The following HHIPL1 variants were observed in gnomAD, a reference collection of about 807,000 sequenced individuals.
HHIPL1 encodes HHIP-like protein 1.
In HHIPL1, 43 loss-of-function variants were observed where a neutral mutation model predicts 61.8. The observed-to-expected ratio is 0.70, with a 90% CI of 0.55 to 0.90. The LOEUF (loss-of-function observed/expected upper bound fraction) is 0.90, where lower values mean the gene tolerates loss of function less well. Among genes scored for constraint, HHIPL1 ranks in the 40% least tolerant of loss-of-function variants. The pLI is 0.00. For synonymous variants in HHIPL1, 482 were observed against 515.8 expected (o/e 0.93, Z 0.89); for missense variants, 1,056 against 1,157.7 (o/e 0.91, Z 1.28).
rs138192019 is a variant in HHIPL1 at position 99,668,878 on chromosome 14, G to A, written c.1730+575G>A. ...GCCCGGCTATGTCCCAGCTCCTTCC[G>A]TGTGCAGCTCATTGACGTCTCAGCC... On this transcript the variant is annotated intron_variant, in intron 7 of 8. Coordinates refer to ENST00000330710, the MANE Select transcript of HHIPL1 (RefSeq NM_001127258.3). This position sits in a 1 kb window ranked among gnomAD's most constrained non-coding sequence, Gnocchi z 4.7. 474 of 1,613,710 alleles carry A rather than the reference G, an allele frequency of 2.9e-4. No homozygotes were observed. Among genetic ancestry groups the A allele is most frequent in the Middle Eastern group, 4.9e-4 (3 of 6,062 alleles).
the HHIPL1 span, among the ~76,000 whole-genome samples, chr14:99,634,548 C>T: frequency 6.6e-6 from 1 of 152,192 alleles, no homozygotes; most frequent in Non-Finnish European, 1.5e-5. Flanking sequence ...CCCTAAGCAG[C>T]CCCAGCTCCT....
chr14:99,670,860 C>T lies in HHIPL1; in HGVS notation c.1731-1457C>T, dbSNP rs184458546. Among the ~76,000 whole-genome samples the T allele has an allele frequency of 3.9e-4, 59 of 152,260 alleles. No individual in the cohort carries two copies. The East Asian group carries it at 8.1e-3, about 21-fold the overall frequency. On this transcript the variant is annotated intron_variant, in intron 7 of 8. Transcript: ENST00000330710. ...ATTCCTTGGAATTTTAGGTTATTTC[C>T]AATTTTCAAAAAAGAATGCTCCTCT...
chr14:99,619,716 G>A, the HHIPL1 span, among the ~76,000 whole-genome samples: 5,981 of 86,202 alleles, frequency 0.069, 155 homozygotes, highest in Non-Finnish European at 0.094. Flanking sequence ...AAGCCCCCCC[G>A]CCCCCCATCC....
chr14:99,626,653 TTCTGC>T, the HHIPL1 span, among the ~76,000 whole-genome samples: 1 of 152,206 alleles, frequency 6.6e-6, no homozygotes. Context: ...GGTAATTTCT[TTCTGC>T]TCTCTGAGGC....
rs1199065274 is a variant in HHIPL1, at chr14:99,668,041, A to G, written c.1649-181A>G. 6.6e-6 allele frequency among the ~76,000 whole-genome samples: 1 copy of G among 152,158 alleles called. No homozygotes were observed. The highest frequency in any genetic ancestry group is 6.5e-5 in the Admixed American group (1 of 15,282). On this transcript the variant is annotated intron_variant, in intron 6 of 8. Transcript: ENST00000330710. The surrounding 1 kb of genome is among the most constrained non-coding windows in gnomAD (Gnocchi z 4.7). ...GCCCTTGGGTACAACCCAACTCCTCACCCAGCCTCACTTCCTCTTTCTGGG... is the reference window on the plus strand; with the variant it reads ...GCCCTTGGGTACAACCCAACTCCTCGCCCAGCCTCACTTCCTCTTTCTGGG...
the HHIPL1 span, among the ~76,000 whole-genome samples, chr14:99,615,422 T>C: frequency 6.6e-6 from 1 of 152,006 alleles, no homozygotes; most frequent in Admixed American, 6.6e-5. Context: ...TGCATGCCTG[T>C]GCTCCCAGCT....
the HHIPL1 span, among the ~76,000 whole-genome samples, chr14:99,621,705 T>TTTCC: frequency 1.7e-4 from 17 of 97,318 alleles, no homozygotes; most frequent in East Asian, 4.3e-3. Context: ...TTTTCTTTTC[T>TTTCC]TTTCTTTTTT....
upstream of HHIPL1, among the ~76,000 whole-genome samples, chr14:99,642,746 G>A (rs770402404): frequency 9.2e-5 from 14 of 151,784 alleles, no homozygotes; most frequent in Admixed American, 8.5e-4. Context: ...GTATGATTTC[G>A]ATCTCCTGAC....
chr14:99,667,731 C>T (rs1231479063), intron 6 of HHIPL1, among the ~76,000 whole-genome samples: 3 of 152,216 alleles, frequency 2.0e-5, no homozygotes, highest in South Asian at 2.1e-4. Context: ...ATGAAGCACA[C>T]GCTCTGCGCT....
In HHIPL1 at chr14:99,660,241, C is replaced by G. The variant is rs748161249; in HGVS notation, c.1376-39C>G. On this transcript the variant is annotated intron_variant, in intron 4 of 8. Coordinates refer to ENST00000330710, the MANE Select transcript of HHIPL1 (RefSeq NM_001127258.3). The surrounding 1 kb of genome is among the most constrained non-coding windows in gnomAD (Gnocchi z 4.9). ...TCTCCTGGCTGATGAACCTTCCCGC[C>G]GCTGGCTCACCGAAGCTTCTCTCCC... 3 of 1,612,838 alleles carry G rather than the reference C, an allele frequency of 1.9e-6. No homozygotes were observed. In the South Asian group the frequency reaches 3.3e-5, roughly 18 times the overall value.
chr14:99,668,291 T>G lies in HHIPL1; in HGVS notation c.1718T>G (p.Ile573Ser). 6.2e-7 allele frequency: 1 copy of G among 1,608,884 alleles called. No homozygotes were observed. ...TAPRGVVYKI[I>S]DASRRAPPGK... ...CCACGCGGAGTTGTCTACAAAATAA[T>G]TGACGCATCCAGGTGAGTCCCAGCC... The change falls in exon 7 of 9, where the codon ATT becomes AGT. Residue 573 changes from isoleucine to serine, a missense_variant. Coordinates refer to ENST00000330710, the MANE Select transcript of HHIPL1 (RefSeq NM_001127258.3). The surrounding 1 kb of genome is among the most constrained non-coding windows in gnomAD (Gnocchi z 4.7).
chr14:99,645,323 G>A lies in HHIPL1; in HGVS notation c.116G>A (p.Cys39Tyr). 3 of 1,458,932 alleles carry A rather than the reference G, an allele frequency of 2.1e-6. No homozygotes were observed. Among genetic ancestry groups the A allele is most frequent in the Non-Finnish European group, 2.7e-6 (3 of 1,110,510 alleles). 90.4% of individuals were successfully genotyped at this position (1,458,932 alleles called of 1,614,324 possible). ...PFRPTQPLRLCAQYSDFGCCD... is the reference protein window; with the variant it reads ...PFRPTQPLRLYAQYSDFGCCD... ...CGGCCGACGCAGCCGCTGCGCCTCT[G>A]CGCGCAGTACTCGGACTTCGGCTGC... The change falls in exon 1 of 9, where the codon TGC (cysteine) becomes TAC (tyrosine). Residue 39 changes from cysteine to tyrosine, a missense_variant. Coordinates refer to ENST00000330710, the MANE Select transcript of HHIPL1 (RefSeq NM_001127258.3).
chr14:99,627,537 T>C, the HHIPL1 span, among the ~76,000 whole-genome samples: 34 of 152,264 alleles, frequency 2.2e-4, no homozygotes, highest in South Asian at 4.1e-4. The surrounding 1 kb of genome is among the most constrained non-coding windows in gnomAD (Gnocchi z 4.4). Flanking sequence ...CAGGGATGAA[T>C]GAGGAGAGGT....
At chr14:99,672,124 A>T (rs1168780869) in intron 7 of HHIPL1, among the ~76,000 whole-genome samples, 193 bp from the exon 8 acceptor site, 1 of 152,172 alleles carries the variant, frequency 6.6e-6, no homozygotes, top group African/African-American at 2.4e-5. Flanking sequence ...GTTATAGGGG[A>T]TTTATGCCCT....
chr14:99,656,836 A>AAAGAAAGAAAGG (rs2056044534), intron 2 of HHIPL1, among the ~76,000 whole-genome samples, 164 bp from the exon 3 acceptor site: 4 of 7,066 alleles, frequency 5.7e-4, no homozygotes, highest in African/African-American at 9.5e-4. Context: ...AGAAAGAAAG[A>AAAGAAAGAAAGG]AAGGAAGGAA....
chr14:99,610,550 C>T, the HHIPL1 span, among the ~76,000 whole-genome samples: 6 of 152,100 alleles, frequency 3.9e-5, no homozygotes, highest in Non-Finnish European at 7.4e-5. Context: ...ACTTGAGGCC[C>T]GGAGTTCGAG....
chr14:99,674,130 GCTCT>G (rs915705614), intron 8 of HHIPL1, among the ~76,000 whole-genome samples: 2 of 151,874 alleles, frequency 1.3e-5, no homozygotes, highest in African/African-American at 4.8e-5. Flanking sequence ...CCCTTTCTCA[GCTCT>G]CTCTCAGTGG....
chr14:99,615,732 AAAG>A, the HHIPL1 span, among the ~76,000 whole-genome samples: 2 of 152,062 alleles, frequency 1.3e-5, no homozygotes, highest in African/African-American at 4.8e-5. Flanking sequence ...AGAAAGAAAG[AAAG>A]AAAAAAAGAC....
chr14:99,662,906 G>T lies in HHIPL1; in HGVS notation c.1533G>T (p.Gly511=). The part of the protein sequence containing the change: ...GRLMSLQENP[G]TGQWQYSEIC... ...TGATGTCCCTCCAAGAGAACCCAGG[G>T]ACAGGCCAGTGGCAGTACAGTGAGA... The change falls in exon 6 of 9, where the codon GGG becomes GGT. Residue 511 remains glycine, a synonymous_variant. Transcript: ENST00000330710. The T allele has an allele frequency of 6.2e-7, 1 of 1,612,058 alleles. No homozygotes were observed. The highest frequency in any genetic ancestry group is 8.5e-7 in the Non-Finnish European group (1 of 1,179,246).
Sources: gnomAD v4.1 joint callset for allele counts (sites outside exome capture counted in the v4.1 genomes callset) on GRCh38, gnomAD v4.1.1 for gene constraint, Gnocchi (gnomAD v3.1) non-coding constraint, MANE v1.5 for transcripts, NCBI Gene and HGNC (gene_info 2026-07-23, HGNC 2026-07-21) for gene names.